Variants in PKHD1 observed in about 807,000 individuals in gnomAD.
The protein encoded by PKHD1 is fibrocystin.
A neutral mutation model predicts 412.0 loss-of-function variants in PKHD1; 291 were observed. The ratio of observed to expected loss-of-function variants is 0.71; its 90% confidence interval spans 0.64 to 0.78. The LOEUF is 0.78. Ranked by LOEUF, PKHD1 falls within the 30% of genes least tolerant of loss-of-function variation. PKHD1 has a pLI of 0.00. For synonymous variants in PKHD1, 1,777 were observed against 1,821.5 expected (o/e 0.98, Z 0.62); for missense variants, 4,825 against 4,950.7 (o/e 0.97, Z 0.76).
intron 43 of PKHD1, among the ~76,000 whole-genome samples, chr6:51,902,726 T>G (rs1253883763): frequency 6.6e-6 from 1 of 152,160 alleles, no homozygotes; most frequent in Non-Finnish European, 1.5e-5. Context: ...AAAGGGGAAA[T>G]GAAATGGCTT....
In PKHD1 at chr6:51,617,207, T is replaced by C. The variant is rs1766142763; in HGVS notation, c.*1874A>G. The C allele has an allele frequency of 6.6e-6, 1 of 152,320 alleles. No homozygotes were observed. Among genetic ancestry groups the C allele is most frequent in the African/African-American group, 2.4e-5 (1 of 41,448 alleles). 9.4% of individuals were successfully genotyped at this position (152,320 alleles called of 1,614,324 possible). Reference sequence around the variant, plus strand: ...ACCTCAAAAGCCTTCACTTCTGAAATGTTTTTTTCCAAAAAGCTTACGGCT... The same window carrying C: ...ACCTCAAAAGCCTTCACTTCTGAAACGTTTTTTTCCAAAAAGCTTACGGCT... On this transcript the variant is annotated 3_prime_UTR_variant, in exon 67 of 67. Transcript: ENST00000371117.
At chr6:51,756,223 G>C (rs111811670) in intron 55 of PKHD1, among the ~76,000 whole-genome samples, 31 of 152,082 alleles carry the variant, frequency 2.0e-4, no homozygotes, top group African/African-American at 7.2e-4. Context: ...TTCCTGATTT[G>C]CTATGACTTC....
rs777228780 is a variant in PKHD1 at position 51,934,115 on chromosome 6, A to T, written c.6116T>A (p.Leu2039Gln). The change falls in exon 37 of 67, where the codon CTG (leucine) becomes CAG (glutamine). Residue 2039 changes from leucine (L) to glutamine (Q), a missense_variant. By Grantham distance (113) the Leu-to-Gln change is moderately radical (BLOSUM62 -2). Coordinates refer to ENST00000371117, the MANE Select transcript of PKHD1 (RefSeq NM_138694.4). ...FLAVRNGTLS[L>Q]HGSLPEVIVT... ...TGATCAATTGCCTCACTCACCGTGC[A>T]GAGAAAGAGTTCCATTCCTCACAGC... 7.5e-6 allele frequency: 12 copies of T among 1,609,338 alleles called. No homozygotes were observed. The highest frequency in any genetic ancestry group is 1.3e-5 in the African/African-American group (1 of 74,848).
At chr6:51,698,128 G>C (rs1325993458) in intron 60 of PKHD1, among the ~76,000 whole-genome samples, 3 of 152,146 alleles carry the variant, frequency 2.0e-5, no homozygotes, top group Non-Finnish European at 4.4e-5. Flanking sequence ...CCACTAAACA[G>C]GTCTGAACAG....
chr6:52,070,069 C>T (rs1810373020), intron 10 of PKHD1, among the ~76,000 whole-genome samples: 1 of 151,220 alleles, frequency 6.6e-6, no homozygotes, highest in Non-Finnish European at 1.5e-5. Context: ...AAGGCACTTC[C>T]TAGATGGTAC....
At chr6:51,888,302 T>C (rs1039809780) in intron 43 of PKHD1, among the ~76,000 whole-genome samples, 5 of 152,342 alleles carry the variant, frequency 3.3e-5, no homozygotes, top group African/African-American at 1.2e-4. Context: ...TCTTGGACCA[T>C]ATGAGTTTGG....
At chr6:52,031,434 C>T (rs1041886108) in intron 29 of PKHD1, among the ~76,000 whole-genome samples, 3 of 152,248 alleles carry the variant, frequency 2.0e-5, no homozygotes, top group African/African-American at 7.2e-5. Context: ...TCTATAAATG[C>T]TGCCTGCCCA....
At chr6:51,935,869 A>C (rs1561925170) in intron 36 of PKHD1, among the ~76,000 whole-genome samples, 1 of 152,174 alleles carries the variant, frequency 6.6e-6, no homozygotes, top group Non-Finnish European at 1.5e-5. Flanking sequence ...AATTATCGGA[A>C]TGTTCTGATA....
At chr6:51,821,840 C>T (rs1245607445) in intron 52 of PKHD1, among the ~76,000 whole-genome samples, 1 of 152,158 alleles carries the variant, frequency 6.6e-6, no homozygotes, top group Non-Finnish European at 1.5e-5. Flanking sequence ...GCGCACACCA[C>T]CACACCAGGC....
chr6:51,942,851 TCTA>T (rs1271416002), intron 36 of PKHD1, among the ~76,000 whole-genome samples: 2 of 151,614 alleles, frequency 1.3e-5, no homozygotes, highest in African/African-American at 4.8e-5. Flanking sequence ...CATCTGCTAT[TCTA>T]CTACTCCTCA....
chr6:51,664,534 T>C (rs143806995), intron 60 of PKHD1, among the ~76,000 whole-genome samples: 136 of 152,304 alleles, frequency 8.9e-4, no homozygotes, highest in Non-Finnish European at 1.4e-3. Context: ...ATGAATTTAA[T>C]TACAAACCCT....
At position 52,016,503 on chromosome 6, in the gene PKHD1, G is replaced by T. The variant is rs372899972; in HGVS notation, c.5600+907C>A. On this transcript the variant is annotated intron_variant, in intron 34 of 66. Transcript: ENST00000371117. Reference sequence around the variant, plus strand: ...ATACAAAAATTAGCTGGGCGTGGTGGTATATACCTGCAATCCCAGCTACTG... The same window carrying T: ...ATACAAAAATTAGCTGGGCGTGGTGTTATATACCTGCAATCCCAGCTACTG... Among the ~76,000 whole-genome samples, 4 of 152,014 alleles carry T rather than the reference G, an allele frequency of 2.6e-5. No individual in the cohort carries two copies. The South Asian group carries it at 6.3e-4, about 24-fold the overall frequency.
At chr6:51,888,210 T>A (rs971762130) in intron 43 of PKHD1, among the ~76,000 whole-genome samples, 2 of 152,230 alleles carry the variant, frequency 1.3e-5, no homozygotes, top group Non-Finnish European at 2.9e-5. Context: ...GACTATTAAG[T>A]CGCCTTGATA....
chr6:52,086,377 C>T (rs1812799210), intron 1 of PKHD1, among the ~76,000 whole-genome samples: 1 of 151,994 alleles, frequency 6.6e-6, no homozygotes, highest in Non-Finnish European at 1.5e-5. Context: ...TCCCAAAGTG[C>T]TGGGATTACA....
intron 39 of PKHD1, among the ~76,000 whole-genome samples, chr6:51,909,739 A>T (rs1701211414): frequency 6.6e-6 from 1 of 152,146 alleles, no homozygotes; most frequent in South Asian, 2.1e-4. Flanking sequence ...AAAGAGTCAG[A>T]CTATAACCCA....
intron 36 of PKHD1, among the ~76,000 whole-genome samples, chr6:51,956,718 C>T (rs185551952): frequency 6.6e-6 from 1 of 152,124 alleles, no homozygotes; most frequent in Admixed American, 6.6e-5. Context: ...AGCAAGTCCT[C>T]CCAGATTAGT....
chr6:51,912,589 G>A lies in PKHD1; in HGVS notation c.6122-13C>T, dbSNP rs757378511. The A allele has an allele frequency of 3.2e-5, 50 of 1,567,160 alleles. No individual in the cohort carries two copies. In the Admixed American group the frequency reaches 3.5e-4, roughly 11 times the overall value. On this transcript the variant is annotated splice_polypyrimidine_tract_variant and intron_variant, in intron 37 of 66. Coordinates refer to ENST00000371117, the MANE Select transcript of PKHD1 (RefSeq NM_138694.4). ...TCTGGTAGTGAACCTAAAGCAGCCC[G>A]AGGAAAAGTTGTCCAGATAATTTAA...
intron 60 of PKHD1, chr6:51,721,071 C>A (rs1253897897): frequency 1.0e-5 from 10 of 984,012 alleles, no homozygotes; most frequent in Non-Finnish European, 1.2e-5. Context: ...ACCAATTCCT[C>A]AAATCACACT....
At chr6:51,715,255 G>T (rs1781121563) in intron 60 of PKHD1, among the ~76,000 whole-genome samples, 1 of 152,102 alleles carries the variant, frequency 6.6e-6, no homozygotes, top group Non-Finnish European at 1.5e-5. Context: ...GACTCAGGGA[G>T]CATAAATGAA....
Sources: gnomAD v4.1 joint callset for allele counts (sites outside exome capture counted in the v4.1 genomes callset) on GRCh38, gnomAD v4.1.1 for gene constraint, MANE v1.5 for transcripts, NCBI Gene and HGNC (gene_info 2026-07-23, HGNC 2026-07-21) for gene names.